The following SHLD2 variants were observed in gnomAD, a reference collection of about 807,000 sequenced individuals.
SHLD2 encodes RINN1-REV7-interacting novel NHEJ regulator 2.
In SHLD2, 30 loss-of-function variants were observed where a neutral mutation model predicts 73.2. The observed-to-expected ratio is 0.41, with a 90% CI of 0.31 to 0.56. The LOEUF is 0.56. SHLD2 is among the 20% of genes least tolerant of loss of function. The pLI is 0.28. For missense variants in SHLD2, 745 were observed against 1,055.9 expected, an observed-to-expected ratio of 0.71 and a Z score of 4.08; for synonymous variants, 285 against 370.1, an observed-to-expected ratio of 0.77 and a Z score of 2.64.
At chr10:87,148,146 T>C (rs1033967611) in intron 2 of SHLD2, among the ~76,000 whole-genome samples, 11 of 152,202 alleles carry the variant, frequency 7.2e-5, no homozygotes, top group African/African-American at 2.7e-4. Context: ...CCAAGGCTCC[T>C]GGCCTCCTGT....
intron 1 of SHLD2, among the ~76,000 whole-genome samples, chr10:87,096,565 C>A (rs1466699835): frequency 6.6e-6 from 1 of 152,034 alleles, no homozygotes; most frequent in African/African-American, 2.4e-5. Flanking sequence ...CTGGGCTCGT[C>A]TCTATAAAAA....
At chr10:87,128,052 A>T (rs1478476962) in intron 2 of SHLD2, among the ~76,000 whole-genome samples, 1 of 151,958 alleles carries the variant, frequency 6.6e-6, no homozygotes, top group African/African-American at 2.4e-5. Context: ...CATATTCCAT[A>T]TTTTTTAACC....
chr10:87,109,047 G>T (rs985540609), intron 2 of SHLD2, among the ~76,000 whole-genome samples: 3 of 152,190 alleles, frequency 2.0e-5, no homozygotes, highest in African/African-American at 7.2e-5. Flanking sequence ...ATCCCAGGCT[G>T]TTTTGGGTAT....
At chr10:87,129,491 A>G (rs1461056493) in intron 2 of SHLD2, among the ~76,000 whole-genome samples, 3 of 151,992 alleles carry the variant, frequency 2.0e-5, no homozygotes, top group Admixed American at 6.6e-5. Flanking sequence ...TCTCCCGTGG[A>G]TTCCCCATTG....
intron 4 of SHLD2, among the ~76,000 whole-genome samples, 163 bp from the exon 5 acceptor site, chr10:87,170,315 C>G (rs1403208252): frequency 2.0e-5 from 3 of 152,134 alleles, no homozygotes; most frequent in African/African-American, 7.2e-5. Flanking sequence ...TACATCTAAA[C>G]TGATTCAAGA....
chr10:87,188,061 C>T (rs554141712), intron 9 of SHLD2, among the ~76,000 whole-genome samples: 14 of 152,312 alleles, frequency 9.2e-5, no homozygotes, highest in African/African-American at 2.6e-4. Context: ...CACGTTCTTG[C>T]ACCTCCCCAA....
At chr10:87,110,570 G>A (rs1842858302) in intron 2 of SHLD2, among the ~76,000 whole-genome samples, 1 of 145,942 alleles carries the variant, frequency 6.9e-6, no homozygotes, top group African/African-American at 2.6e-5. Flanking sequence ...TTGCACCATT[G>A]CACTCCAGCC....
chr10:87,094,793 G>C (rs563124216), upstream of SHLD2: 160 of 1,516,082 alleles, frequency 1.1e-4, no homozygotes, highest in African/African-American at 2.0e-3. This position sits in a 1 kb window ranked among gnomAD's most constrained non-coding sequence, Gnocchi z 6.6. Flanking sequence ...GGGGAGGTGC[G>C]TGATGGTCGC....
At chr10:87,129,380 C>T (rs1416934389) in intron 2 of SHLD2, among the ~76,000 whole-genome samples, 1 of 152,092 alleles carries the variant, frequency 6.6e-6, no homozygotes, top group Non-Finnish European at 1.5e-5. Flanking sequence ...CGTTAGCCAC[C>T]GTGCCTGGCT....
At chr10:87,103,623 T>C (rs922057223) in intron 2 of SHLD2, among the ~76,000 whole-genome samples, 2 of 152,342 alleles carry the variant, frequency 1.3e-5, no homozygotes, top group East Asian at 3.9e-4. Flanking sequence ...AGAGAAGTTG[T>C]AATTTTGATG....
At position 87,152,766 on chromosome 10, in the gene SHLD2, T is replaced by C. The variant is rs1846107025; in HGVS notation, c.1412T>C (p.Leu471Ser). 1.9e-6 allele frequency: 3 copies of C among 1,611,830 alleles called. No individual in the cohort carries two copies. Among genetic ancestry groups the C allele is most frequent in the African/African-American group, 1.3e-5 (1 of 74,850 alleles). ...CCAAATTCTGGCTCTAAAGTGCCTT[T>C]AGCAACAGTTACAGTAATTGATCAA... ...FGPNSGSKVP[L>S]ATVTVIDQSE... is the part of the protein sequence containing the mutation. The change falls in exon 3 of 10, where the codon TTA becomes TCA. Residue 471 changes from leucine (L) to serine (S), a missense_variant. Physicochemically the swap from Leu to Ser is moderately radical, Grantham distance 145. Around this residue, in one of 5 missense-constraint regions of SHLD2, gnomAD observed 418 missense variants for 567.8 expected, o/e 0.74. Transcript: ENST00000298786.
intron 4 of SHLD2, among the ~76,000 whole-genome samples, chr10:87,168,997 T>C (rs1201402567): frequency 1.3e-5 from 2 of 152,306 alleles, no homozygotes; most frequent in East Asian, 3.9e-4. Flanking sequence ...GTTCTGATAA[T>C]GTGACAGGAA....
chr10:87,120,442 T>C (rs1331577711), intron 2 of SHLD2, among the ~76,000 whole-genome samples: 1 of 151,646 alleles, frequency 6.6e-6, no homozygotes, highest in African/African-American at 2.4e-5. Context: ...AGAGACAGGG[T>C]TTCACCGTGT....
chr10:87,103,283 T>G (rs1017440004), intron 2 of SHLD2, among the ~76,000 whole-genome samples: 4 of 152,144 alleles, frequency 2.6e-5, no homozygotes, highest in African/African-American at 9.7e-5. Flanking sequence ...GTTTCTAATT[T>G]TAATATGATT....
At position 87,190,674 on chromosome 10, in the gene SHLD2, C is replaced by T; in HGVS notation, c.2706C>T (p.Ala902=). 6.2e-7 allele frequency: 1 copy of T among 1,611,678 alleles called. No individual in the cohort carries two copies. The highest frequency in any genetic ancestry group is 8.5e-7 in the Non-Finnish European group (1 of 1,179,716). The change falls in exon 10 of 10, where the codon GCC becomes GCT. Residue 902 remains alanine (A), a synonymous_variant. Coordinates refer to ENST00000298786, the MANE Select transcript of SHLD2 (RefSeq NM_001330112.2). Reference sequence around the variant, plus strand: ...ACATTGTAAAGCATGGAGCCAATGCCCGTCTCTGAGGCCAGAGGAAGAAAT... The same window carrying T: ...ACATTGTAAAGCATGGAGCCAATGCTCGTCTCTGAGGCCAGAGGAAGAAAT... The part of the protein sequence containing the change: ...YPDIVKHGAN[A]RL
At chr10:87,103,320 C>T (rs61858878) in intron 2 of SHLD2, among the ~76,000 whole-genome samples, 16,982 of 152,102 alleles carry the variant, frequency 0.11, 1,028 homozygotes, top group Admixed American at 0.15. Context: ...GTTAATACTT[C>T]ATTAATCAGC....
Position 87,151,559 on chromosome 10 carries a change from G to A in SHLD2, c.205G>A (p.Gly69Ser). The A allele has an allele frequency of 6.2e-7, 1 of 1,611,344 alleles. No individual in the cohort carries two copies. The highest frequency in any genetic ancestry group is 8.5e-7 in the Non-Finnish European group (1 of 1,179,580). Reference sequence around the variant, plus strand: ...AAACTATAAAGTCCCAGAATCTATTGGTTCTCCAGATCTTAGTGGTCATTT... The same window carrying A: ...AAACTATAAAGTCCCAGAATCTATTAGTTCTCCAGATCTTAGTGGTCATTT... The part of the protein sequence containing the change: ...LENYKVPESI[G>S]SPDLSGHFLA... Residue 69 changes from glycine to serine, a missense_variant, in exon 3 of 10, where the codon GGT becomes AGT. Gly to Ser is a moderately conservative substitution (Grantham distance 56, BLOSUM62 0). Coordinates refer to ENST00000298786, the MANE Select transcript of SHLD2 (RefSeq NM_001330112.2).
intron 4 of SHLD2, among the ~76,000 whole-genome samples, chr10:87,164,057 G>T (rs3129471): frequency 6.7e-6 from 1 of 150,372 alleles, no homozygotes; most frequent in African/African-American, 2.5e-5. Flanking sequence ...TCCTGGGTTC[G>T]AGCAATTCTC....
intron 2 of SHLD2, among the ~76,000 whole-genome samples, chr10:87,150,208 G>T (rs1281553362): frequency 6.6e-6 from 1 of 151,454 alleles, no homozygotes; most frequent in Non-Finnish European, 1.5e-5. Context: ...GAGACTTTAG[G>T]CACGGGCCAT....
Sources: allele counts gnomAD v4.1 joint callset (sites outside exome capture counted in the v4.1 genomes callset), GRCh38; gene constraint gnomAD v4.1.1; regional missense constraint gnomAD v4.1.1; non-coding constraint Gnocchi (gnomAD v3.1); transcripts MANE v1.5; gene names NCBI Gene and HGNC (gene_info 2026-07-23, HGNC 2026-07-21).